The following AFF2 variants were observed in gnomAD, a reference collection of about 807,000 sequenced individuals.
AFF2 encodes AF4/FMR2 family member 2.
Under a neutral mutation model 76.9 loss-of-function variants are expected in AFF2, and 14 were observed. That is an observed-to-expected ratio of 0.18 (90% CI 0.12 to 0.28). AFF2 has a LOEUF of 0.28. AFF2 is among the 10% of genes least tolerant of loss of function. The probability of loss-of-function intolerance (pLI) is 1.00; values close to 1 mark genes in which losing one functional copy is unlikely to be tolerated. For missense variants in AFF2, 868 were observed against 1,001.1 expected, an observed-to-expected ratio of 0.87 and a Z score of 1.79; for synonymous variants, 398 against 366.7, an observed-to-expected ratio of 1.09 and a Z score of -0.98.
intron 9 of AFF2, among the ~76,000 whole-genome samples, chrX:148,924,275 A>G (rs936776937): frequency 8.9e-6 from 1 of 112,147 alleles, no homozygotes; most frequent in East Asian, 2.8e-4. Context: ...GATTAAACCT[A>G]CCAGCTAATG....
chrX:148,718,953 G>T, intron 3 of AFF2: 2 of 566,066 alleles, frequency 3.5e-6, no homozygotes, highest in Non-Finnish European at 2.6e-6. Context: ...GTATTCAGGT[G>T]TCTAAGAATG....
chrX:148,805,612 C>T (rs917588002), intron 3 of AFF2, among the ~76,000 whole-genome samples: 9 of 112,596 alleles, frequency 8.0e-5, no homozygotes, highest in African/African-American at 2.9e-4. Flanking sequence ...ATGATTAAAA[C>T]ATCCTATGCA....
At chrX:148,523,760 T>G (rs2052625770) in intron 1 of AFF2, among the ~76,000 whole-genome samples, 1 of 112,421 alleles carries the variant, frequency 8.9e-6, no homozygotes, top group African/African-American at 3.2e-5. Flanking sequence ...TTCTTTTCTC[T>G]TTCATGTAGT....
chrX:148,782,460 A>T (rs1557269164), intron 3 of AFF2, among the ~76,000 whole-genome samples: 1 of 111,781 alleles, frequency 8.9e-6, no homozygotes, highest in Non-Finnish European at 1.9e-5. Flanking sequence ...AGATGTTTTG[A>T]TATCTGGTTA....
intron 3 of AFF2, among the ~76,000 whole-genome samples, chrX:148,744,286 A>G (rs994427501): frequency 2.7e-5 from 3 of 111,169 alleles, no homozygotes; most frequent in Non-Finnish European, 5.6e-5. Flanking sequence ...AGGATAAAAC[A>G]TGGCACATAA....
rs189994494 is a variant in AFF2 at position 148,958,443 on chromosome X, C to T, written c.2675C>T (p.Pro892Leu). 47 of 1,208,451 alleles carry T rather than the reference C, an allele frequency of 3.9e-5. No individual in the cohort carries two copies. In the Admixed American group the frequency reaches 5.7e-4, roughly 15 times the overall value. ...ATCTCACCAGCCCCACCCCACAAGC[C>T]TCCCAACACTAGAGAGTGAGTTTGC... The part of the protein sequence containing the change: ...PCISPAPPHK[P>L]PNTRENNSSR... The change falls in exon 12 of 21, where the codon CCT (proline) becomes CTT (leucine). Residue 892 changes from proline to leucine, a missense_variant. This residue lies in a region of AFF2 where 532 missense variants were observed against 564.2 expected (regional missense o/e 0.94). Coordinates refer to ENST00000370460, the MANE Select transcript of AFF2 (RefSeq NM_002025.4).
At chrX:148,622,337 AG>A (rs1427273965) in intron 1 of AFF2, among the ~76,000 whole-genome samples, 2 of 111,895 alleles carry the variant, frequency 1.8e-5, no homozygotes, top group Non-Finnish European at 3.8e-5. Context: ...TGAAGTCTGT[AG>A]GGAAGCCAAG....
At chrX:148,791,541 T>C (rs1359146904) in intron 3 of AFF2, among the ~76,000 whole-genome samples, 1 of 112,407 alleles carries the variant, frequency 8.9e-6, no homozygotes, top group East Asian at 2.8e-4. Flanking sequence ...CAGAAATCCA[T>C]AGCAGGTCAA....
intron 16 of AFF2, among the ~76,000 whole-genome samples, chrX:148,975,264 G>A (rs1557290085): frequency 8.9e-6 from 1 of 111,894 alleles, no homozygotes; most frequent in Non-Finnish European, 1.9e-5. Context: ...GAAAACAATT[G>A]TAAAGACTAG....
chrX:148,955,120 A>G (rs1189718782), intron 10 of AFF2, among the ~76,000 whole-genome samples: 1 of 112,857 alleles, frequency 8.9e-6, no homozygotes, highest in African/African-American at 3.2e-5. Context: ...ACAGCATCAC[A>G]TAGAAGGCAC....
intron 3 of AFF2, among the ~76,000 whole-genome samples, chrX:148,786,136 G>T (rs891082499): frequency 9.0e-6 from 1 of 111,681 alleles, no homozygotes; most frequent in African/African-American, 3.3e-5. Context: ...TATTGTTATT[G>T]CTGTAATTAT....
intron 9 of AFF2, among the ~76,000 whole-genome samples, chrX:148,907,066 C>A (rs781958470): frequency 8.9e-6 from 1 of 111,766 alleles, no homozygotes; most frequent in South Asian, 3.8e-4. Context: ...GCCAAGAACC[C>A]CAGGTCAGAG....
At chrX:148,893,075 C>T (rs782267776) in intron 8 of AFF2, among the ~76,000 whole-genome samples, 1 of 111,945 alleles carries the variant, frequency 8.9e-6, no homozygotes, top group South Asian at 3.7e-4. Flanking sequence ...GCATTTGGGC[C>T]GTTAAGGTTA....
intron 3 of AFF2, among the ~76,000 whole-genome samples, chrX:148,668,104 C>A (rs1569552841): frequency 8.9e-6 from 1 of 112,924 alleles, no homozygotes; most frequent in Non-Finnish European, 1.9e-5. Flanking sequence ...GCTACAGGCC[C>A]CATGCAAGTC....
At chrX:148,766,497 T>C (rs1557267755) in intron 3 of AFF2, among the ~76,000 whole-genome samples, 1 of 107,091 alleles carries the variant, frequency 9.3e-6, no homozygotes, top group Non-Finnish European at 1.9e-5. Flanking sequence ...GCTGCATAAA[T>C]GTCTTCTTTT....
rs186198682 is a variant in AFF2 at position 148,598,626 on chromosome X, G to A, written c.48-53373G>A. ...TAGGAACAATAACGGTGTTAGAGCAGGGGTCACACAAAAGAAAAGCAAAAT... is the reference window on the plus strand; with the variant it reads ...TAGGAACAATAACGGTGTTAGAGCAAGGGTCACACAAAAGAAAAGCAAAAT... On this transcript the variant is annotated intron_variant, in intron 1 of 20. Coordinates refer to ENST00000370460, the MANE Select transcript of AFF2 (RefSeq NM_002025.4). Among the ~76,000 whole-genome samples, 760 of 111,552 alleles carry A rather than the reference G, an allele frequency of 6.8e-3. 6 individuals are homozygous for A. Among genetic ancestry groups the A allele is most frequent in the African/African-American group, 0.023 (696 of 30,681 alleles).
rs1450003702 is a variant in AFF2 at position 148,710,777 on chromosome X, T to C, written c.1041+48009T>C. ...TAAATTCAGTTTAAACCATGATTTA[T>C]TTGCCCTAGGTATATGTCATAGCCC... On this transcript the variant is annotated intron_variant, in intron 3 of 20. Coordinates refer to ENST00000370460, the MANE Select transcript of AFF2 (RefSeq NM_002025.4). Among the ~76,000 whole-genome samples the C allele has an allele frequency of 3.6e-5, 4 of 111,885 alleles. No homozygotes were observed. In the Admixed American group the frequency reaches 3.8e-4, roughly 11 times the overall value.
chrX:148,840,390 C>G (rs2124669747), intron 5 of AFF2, among the ~76,000 whole-genome samples: 1 of 112,360 alleles, frequency 8.9e-6, no homozygotes, highest in South Asian at 3.7e-4. Context: ...TGACTGCTTT[C>G]ACACTACAAT....
chrX:148,708,354 G>A (rs1230449580), intron 3 of AFF2, among the ~76,000 whole-genome samples: 1 of 111,811 alleles, frequency 8.9e-6, no homozygotes, highest in Non-Finnish European at 1.9e-5. Context: ...CTACTCACAT[G>A]TACCATTGTG....
Sources: allele counts gnomAD v4.1 joint callset (sites outside exome capture counted in the v4.1 genomes callset), GRCh38; gene constraint gnomAD v4.1.1; regional missense constraint gnomAD v4.1.1; transcripts MANE v1.5; gene names NCBI Gene and HGNC (gene_info 2026-07-23, HGNC 2026-07-21).